Variants in STPG2 observed in about 807,000 individuals in gnomAD.
STPG2 encodes the protein sperm-tail PG-rich repeat-containing protein 2.
In STPG2, 56 loss-of-function variants were observed where a neutral mutation model predicts 54.2. That is an observed-to-expected ratio of 1.03 (90% CI 0.83 to 1.29). The LOEUF (loss-of-function observed/expected upper bound fraction) is 1.29. Ranked by LOEUF, STPG2 falls within the 50% of genes most tolerant of loss-of-function variation. The pLI is 0.00. For synonymous variants in STPG2, 200 were observed against 181.8 expected, an observed-to-expected ratio of 1.10 and a Z score of -0.81; for missense variants, 596 against 544.9, an observed-to-expected ratio of 1.09 and a Z score of -0.93.
At chr4:97,799,987 T>C (rs569749568) in intron 9 of STPG2, among the ~76,000 whole-genome samples, 2 of 152,364 alleles carry the variant, frequency 1.3e-5, no homozygotes, top group South Asian at 2.1e-4. Flanking sequence ...CTGCTGAAGC[T>C]TGTGAATTTG....
chr4:97,803,103 G>T (rs1460807259), intron 9 of STPG2, among the ~76,000 whole-genome samples: 7 of 151,982 alleles, frequency 4.6e-5, no homozygotes, highest in Admixed American at 4.6e-4. Flanking sequence ...CTTCAGTTTG[G>T]CTTCCAGGCC....
intron 4 of STPG2, among the ~76,000 whole-genome samples, chr4:97,532,936 G>A (rs769494194): frequency 1.7e-4 from 26 of 151,990 alleles, no homozygotes; most frequent in African/African-American, 4.6e-4. Context: ...AGGCTGGAGC[G>A]CAGTGGTGCA....
intron 10 of STPG2, among the ~76,000 whole-genome samples, chr4:97,683,645 A>C (rs1290288229): frequency 6.6e-6 from 1 of 151,718 alleles, no homozygotes; most frequent in Admixed American, 6.6e-5. Flanking sequence ...ATCTACAAAA[A>C]ACCAAAGATA....
At chr4:97,604,375 A>G (rs1372067541) in intron 10 of STPG2, among the ~76,000 whole-genome samples, 1 of 151,764 alleles carries the variant, frequency 6.6e-6, no homozygotes, top group Non-Finnish European at 1.5e-5. Flanking sequence ...GTGCTCCTTG[A>G]AACAAAAAGG....
intron 9 of STPG2, among the ~76,000 whole-genome samples, chr4:97,745,289 T>C (rs1373207539): frequency 3.4e-5 from 5 of 146,282 alleles, no homozygotes; most frequent in African/African-American, 1.2e-4. Flanking sequence ...TGCAGAAAAG[T>C]GCCCTAAATT....
At chr4:97,938,509 G>GCAA (rs1732847629) in intron 8 of STPG2, among the ~76,000 whole-genome samples, 1 of 151,472 alleles carries the variant, frequency 6.6e-6, no homozygotes, top group Non-Finnish European at 1.5e-5. Flanking sequence ...ACCCACCCCT[G>GCAA]CAGGAACTCT....
intron 5 of STPG2, among the ~76,000 whole-genome samples, chr4:98,020,882 T>C (rs1736161192): frequency 6.6e-6 from 1 of 152,142 alleles, no homozygotes; most frequent in African/African-American, 2.4e-5. Context: ...TATCATTTTT[T>C]ATTGCGTCTA....
intron 9 of STPG2, among the ~76,000 whole-genome samples, chr4:97,810,943 A>T (rs996154575): frequency 2.0e-5 from 3 of 152,186 alleles, no homozygotes; most frequent in African/African-American, 7.2e-5. Flanking sequence ...ATTTTTCCTA[A>T]GAATTTTTCA....
intron 5 of STPG2, among the ~76,000 whole-genome samples, chr4:98,104,762 G>C (rs1739141680): frequency 1.3e-5 from 2 of 152,128 alleles, no homozygotes; most frequent in African/African-American, 4.8e-5. Context: ...TATGTAATTA[G>C]AGGTAAATTA....
chr4:97,918,304 G>C (rs1030530590), intron 8 of STPG2, among the ~76,000 whole-genome samples: 1 of 152,082 alleles, frequency 6.6e-6, no homozygotes, highest in Non-Finnish European at 1.5e-5. Flanking sequence ...AGATGTTCCA[G>C]ATAAATTCAG....
intron 10 of STPG2, among the ~76,000 whole-genome samples, chr4:97,638,477 A>C (rs1721639927): frequency 6.6e-6 from 1 of 152,304 alleles, no homozygotes; most frequent in South Asian, 2.1e-4. Context: ...TGGCAACAAA[A>C]GACAAAATTG....
intron 10 of STPG2, among the ~76,000 whole-genome samples, chr4:97,650,673 TC>T (rs1722040803): frequency 6.6e-6 from 1 of 152,120 alleles, no homozygotes; most frequent in South Asian, 2.1e-4. Context: ...GACACATGTT[TC>T]CTATTCAGAC....
At chr4:97,786,953 G>T (rs192601244) in intron 9 of STPG2, among the ~76,000 whole-genome samples, 1 of 152,082 alleles carries the variant, frequency 6.6e-6, no homozygotes, top group African/African-American at 2.4e-5. Context: ...ACATAGTATA[G>T]TATAGGTACA....
At chr4:97,545,438 A>T (rs1731814400) in intron 4 of STPG2, among the ~76,000 whole-genome samples, 1 of 152,152 alleles carries the variant, frequency 6.6e-6, no homozygotes, top group Admixed American at 6.5e-5. Flanking sequence ...AAAGGATTTC[A>T]TATGAATAAA....
chr4:98,020,848 T>C (rs1253265470), intron 5 of STPG2, among the ~76,000 whole-genome samples: 2 of 152,178 alleles, frequency 1.3e-5, no homozygotes, highest in African/African-American at 4.8e-5. Context: ...TGTATTTCTG[T>C]GGGATTGGTG....
intron 5 of STPG2, among the ~76,000 whole-genome samples, chr4:98,068,648 T>G (rs1737905208): frequency 6.6e-6 from 1 of 152,116 alleles, no homozygotes; most frequent in African/African-American, 2.4e-5. Context: ...TTCCAGAAGT[T>G]GTGTGTAGGA....
chr4:97,920,963 C>G (rs1209408174), intron 8 of STPG2, among the ~76,000 whole-genome samples: 1 of 152,174 alleles, frequency 6.6e-6, no homozygotes, highest in Admixed American at 6.5e-5. Flanking sequence ...GAAACATCAA[C>G]TTGAACAACT....
chr4:98,129,794 T>C (rs35184673), intron 2 of STPG2, among the ~76,000 whole-genome samples: 26,926 of 152,244 alleles, frequency 0.18, 3,043 homozygotes, highest in Non-Finnish European at 0.26. Flanking sequence ...ATTAATGCTA[T>C]AGTTGCATGT....
intron 5 of STPG2, among the ~76,000 whole-genome samples, chr4:98,066,779 A>C (rs1737850414): frequency 6.6e-6 from 1 of 152,166 alleles, no homozygotes; most frequent in Non-Finnish European, 1.5e-5. Flanking sequence ...AATCACTTTC[A>C]CTATTAAGAG....
Sources: gnomAD v4.1 joint callset for allele counts (sites outside exome capture counted in the v4.1 genomes callset) on GRCh38, gnomAD v4.1.1 for gene constraint, MANE v1.5 for transcripts, NCBI Gene and HGNC (gene_info 2026-07-23, HGNC 2026-07-21) for gene names.